Variants in CANT1 observed in about 807,000 individuals in gnomAD.
The protein encoded by CANT1 is calcium activated nucleotidase 1.
In CANT1, 26 loss-of-function variants were observed where a neutral mutation model predicts 30.0. The observed-to-expected ratio is 0.87, with a 90% CI of 0.64 to 1.20. CANT1 has a LOEUF of 1.20. CANT1 is among the 50% of genes most tolerant of loss of function. The probability of loss-of-function intolerance (pLI) is 0.00; values close to 1 mark genes in which losing one functional copy is unlikely to be tolerated. For synonymous variants in CANT1, 246 were observed against 251.8 expected (o/e 0.98, Z 0.22); for missense variants, 518 against 563.0 (o/e 0.92, Z 0.81).
chr17:78,999,514 C>T (rs946531961), intron 1 of CANT1, among the ~76,000 whole-genome samples: 39 of 152,158 alleles, frequency 2.6e-4, no homozygotes, highest in Non-Finnish European at 4.9e-4. Context: ...TGAGATAGGG[C>T]CTCGCTCTGT....
chr17:78,993,801 G>A lies in CANT1; in HGVS notation c.955C>T (p.Leu319=). 1 of 1,610,544 alleles carries A rather than the reference G, an allele frequency of 6.2e-7. No individual in the cohort carries two copies. The highest frequency in any genetic ancestry group is 1.7e-5 in the Admixed American group (1 of 60,000). Reference sequence around the variant, plus strand: ...AAGTCAGGGGAGGCGCTCAGCAGCAGGTTGGCGCCCTTGCGCTCGTCGTCC... The same window carrying A: ...AAGTCAGGGGAGGCGCTCAGCAGCAAGTTGGCGCCCTTGCGCTCGTCGTCC... ...EKDDERKGAN[L]LLSASPDFGD... Residue 319 remains leucine, a synonymous_variant, in exon 5 of 5, where the codon CTG becomes TTG. Transcript: ENST00000392446. The surrounding 1 kb of genome is among the most constrained non-coding windows in gnomAD (Gnocchi z 4.5).
Position 79,002,894 on chromosome 17 carries a change from C to T in CANT1, c.-146-4931G>A, listed in dbSNP as rs1485056618. Among the ~76,000 whole-genome samples, 4 of 152,090 alleles carry T rather than the reference C, an allele frequency of 2.6e-5. No homozygotes were observed. The South Asian group carries it at 6.2e-4, about 24-fold the overall frequency. ...TCCCAGGTCGCTGTGCAACACTGCACGCCTTCCTATTCCAGACTCCTGGCA... is the reference window on the plus strand; with the variant it reads ...TCCCAGGTCGCTGTGCAACACTGCATGCCTTCCTATTCCAGACTCCTGGCA... On this transcript the variant is annotated intron_variant, in intron 1 of 4. Transcript: ENST00000392446. This position sits in a 1 kb window ranked among gnomAD's most constrained non-coding sequence, Gnocchi z 4.0.
Position 78,998,135 on chromosome 17 carries a change from C to T in CANT1, c.-146-172G>A. The T allele has an allele frequency of 5.5e-6, 1 of 183,442 alleles. No homozygotes were observed. The allele number at this position is 183,442 out of a possible 1,614,324, so 11.4% of individuals were successfully genotyped here. A position where few individuals can be genotyped will look rare whatever the true frequency, so the allele number is the denominator to read the frequency against. Reference sequence around the variant, plus strand: ...TCACCCTCCGTCCCTGGGTCCTTGGCCCTTGTCCCCACCTGACGTTAGAGT... The same window carrying T: ...TCACCCTCCGTCCCTGGGTCCTTGGTCCTTGTCCCCACCTGACGTTAGAGT... On this transcript the variant is annotated intron_variant, in intron 1 of 4. Coordinates refer to ENST00000392446, the MANE Select transcript of CANT1 (RefSeq NM_001159773.2). This position sits in a 1 kb window ranked among gnomAD's most constrained non-coding sequence, Gnocchi z 4.5.
In CANT1 at chr17:78,997,348, GGGTA is replaced by G; in HGVS notation, c.271_274del (p.Tyr91ProfsTer38). The G allele has an allele frequency of 6.2e-7, 1 of 1,614,158 alleles. No individual in the cohort carries two copies. The highest frequency in any genetic ancestry group is 1.1e-5 in the South Asian group (1 of 91,088). The stretch of plus-strand genomic sequence containing the variant: ...CGGTGTCCTTTGTGGGGGAGACAGG[GGGTA>G]GGTGTCATTGTACCAGTTGGCGGGC... On this transcript the variant is annotated frameshift_variant, in exon 3 of 5. Coordinates refer to ENST00000392446, the MANE Select transcript of CANT1 (RefSeq NM_001159773.2). LOFTEE classifies it high-confidence loss of function. This position sits in a 1 kb window ranked among gnomAD's most constrained non-coding sequence, Gnocchi z 7.5.
intron 1 of CANT1, among the ~76,000 whole-genome samples, chr17:79,000,947 C>T (rs997358478): frequency 1.2e-4 from 18 of 152,226 alleles, no homozygotes; most frequent in African/African-American, 4.1e-4. Flanking sequence ...AGTCTGCACG[C>T]ATTGGCTGAA....
chr17:78,999,195 C>A (rs993417754), intron 1 of CANT1, among the ~76,000 whole-genome samples: 2 of 152,078 alleles, frequency 1.3e-5, no homozygotes, highest in South Asian at 4.2e-4. Flanking sequence ...TCAGAGTGAT[C>A]CTCCTAACAG....
Position 78,998,076 on chromosome 17 carries a change from C to T in CANT1, c.-146-113G>A, listed in dbSNP as rs1321653219. The T allele has an allele frequency of 1.0e-5, 2 of 196,530 alleles. No individual in the cohort carries two copies. Among genetic ancestry groups the T allele is most frequent in the East Asian group, 1.6e-4 (2 of 12,190 alleles). The allele number at this position is 196,530 out of a possible 1,614,324, so 12.2% of individuals were successfully genotyped here. Reference sequence around the variant, plus strand: ...TATTTTACTCAAATGCCACCTCATCCAGGAAGCCCTCCCTGACTGCCCTGC... The same window carrying T: ...TATTTTACTCAAATGCCACCTCATCTAGGAAGCCCTCCCTGACTGCCCTGC... On this transcript the variant is annotated intron_variant, in intron 1 of 4. Coordinates refer to ENST00000392446, the MANE Select transcript of CANT1 (RefSeq NM_001159773.2). The surrounding 1 kb of genome is among the most constrained non-coding windows in gnomAD (Gnocchi z 4.5).
rs764031833 is a variant in CANT1 at position 78,993,962 on chromosome 17, G to C, written c.836-42C>G. 1.3e-6 allele frequency: 2 copies of C among 1,535,466 alleles called. No individual in the cohort carries two copies. The highest frequency in any genetic ancestry group is 2.4e-5 in the South Asian group (2 of 83,360). On this transcript the variant is annotated intron_variant, in intron 4 of 4. Coordinates refer to ENST00000392446, the MANE Select transcript of CANT1 (RefSeq NM_001159773.2). This position sits in a 1 kb window ranked among gnomAD's most constrained non-coding sequence, Gnocchi z 4.5. ...CGCGGGTCAGACACGCATGCGGCCT[G>C]GTGTGCCCAGCCCCACACCATCAGG...
At chr17:79,005,825 C>T (rs980002182) in intron 1 of CANT1, 5 of 152,232 alleles carry the variant, frequency 3.3e-5, no homozygotes, top group Admixed American at 2.0e-4. Flanking sequence ...TTCACACACT[C>T]ATGCTAACAG....
intron 1 of CANT1, chr17:79,005,439 C>T (rs1282165473): frequency 1.3e-5 from 2 of 152,130 alleles, no homozygotes; most frequent in African/African-American, 4.8e-5. Context: ...AGTGGCGACT[C>T]CCTGGACAGC....
At chr17:79,005,033 T>C (rs866827262) in intron 1 of CANT1, among the ~76,000 whole-genome samples, 7 of 3,700 alleles carry the variant, frequency 1.9e-3, no homozygotes, top group Non-Finnish European at 2.5e-3. Flanking sequence ...GAGAAGGGAG[T>C]TAGGGAGAGG....
rs1395035392 is a variant in CANT1, at chr17:78,998,635, C to T, written c.-146-672G>A. Among the ~76,000 whole-genome samples, 2 of 152,260 alleles carry T rather than the reference C, an allele frequency of 1.3e-5. No homozygotes were observed. The highest frequency in any genetic ancestry group is 2.9e-5 in the Non-Finnish European group (2 of 68,044). On this transcript the variant is annotated intron_variant, in intron 1 of 4. Coordinates refer to ENST00000392446, the MANE Select transcript of CANT1 (RefSeq NM_001159773.2). The surrounding 1 kb of genome is among the most constrained non-coding windows in gnomAD (Gnocchi z 4.5). Reference sequence around the variant, plus strand: ...TCGCCAAGCCCACTTCCCGGGCATACAGCATGATGGCTCAGTGCAGCCATG... The same window carrying T: ...TCGCCAAGCCCACTTCCCGGGCATATAGCATGATGGCTCAGTGCAGCCATG...
In CANT1 at chr17:78,993,730, G is replaced by T. The variant is rs755288092; in HGVS notation, c.1026C>A (p.His342Gln). ...GGATGAACTTGAAGGACGAGAAGCC[G>T]TGAGTGGGGACCACCGCCCCGACGT... is the stretch of plus-strand genomic sequence containing the variant. ...VSHVGAVVPT[H>Q]GFSSFKFIPN... is the part of the protein sequence containing the mutation. Residue 342 changes from histidine to glutamine, a missense_variant, in exon 5 of 5, where the codon CAC (histidine) becomes CAA (glutamine). This residue lies in a region of CANT1 where 221 missense variants were observed against 211.8 expected (regional missense o/e 1.04). Coordinates refer to ENST00000392446, the MANE Select transcript of CANT1 (RefSeq NM_001159773.2). This position sits in a 1 kb window ranked among gnomAD's most constrained non-coding sequence, Gnocchi z 4.5. 2.5e-6 allele frequency: 4 copies of T among 1,614,010 alleles called. No individual in the cohort carries two copies. In the Admixed American group the frequency reaches 6.7e-5, roughly 27 times the overall value.
At chr17:78,994,022 C>G in intron 4 of CANT1, 102 bp from the exon 5 acceptor site, 1 of 1,430,796 alleles carries the variant, frequency 7.0e-7, no homozygotes, top group Non-Finnish European at 9.3e-7. Flanking sequence ...CTGCGACCAC[C>G]AGGGCCCACC....
chr17:78,992,308 G>A lies in CANT1; in HGVS notation c.*1242C>T, dbSNP rs927463057. ...CACCGTGGCACCCCTGACGATCGCG[G>A]GGTGGGGTAGGAGTGAGGGTGGGGG... On this transcript the variant is annotated 3_prime_UTR_variant, in exon 5 of 5. Coordinates refer to ENST00000392446, the MANE Select transcript of CANT1 (RefSeq NM_001159773.2). 4.3e-6 allele frequency: 1 copy of A among 235,230 alleles called. No individual in the cohort carries two copies. The highest frequency in any genetic ancestry group is 2.2e-5 in the African/African-American group (1 of 45,304). 14.6% of individuals were successfully genotyped at this position (235,230 alleles called of 1,614,324 possible). A position where few individuals can be genotyped will look rare whatever the true frequency, so the allele number is the denominator to read the frequency against.
At chr17:78,994,090 C>T (rs1015984517) in intron 4 of CANT1, among the ~76,000 whole-genome samples, 170 bp from the exon 5 acceptor site, 2 of 152,168 alleles carry the variant, frequency 1.3e-5, no homozygotes, top group Admixed American at 6.5e-5. Flanking sequence ...TCTGTGTTCT[C>T]GGTTATCCCA....
intron 1 of CANT1, among the ~76,000 whole-genome samples, chr17:79,003,533 C>T (rs1204156276): frequency 6.6e-6 from 1 of 152,116 alleles, no homozygotes; most frequent in Non-Finnish European, 1.5e-5. Context: ...ACAAGATGGA[C>T]AAAGTCCTTT....
In CANT1 at chr17:79,008,816, G is replaced by C. The variant is rs2071639656; in HGVS notation, c.-147+848C>G. ...CGGATGGCAGTAGGGGTGTGAGACAGGTATGGTGGGGAGGGCGAATCATTT... is the reference window on the plus strand; with the variant it reads ...CGGATGGCAGTAGGGGTGTGAGACACGTATGGTGGGGAGGGCGAATCATTT... On this transcript the variant is annotated intron_variant, in intron 1 of 4. Coordinates refer to ENST00000392446, the MANE Select transcript of CANT1 (RefSeq NM_001159773.2). This position sits in a 1 kb window ranked among gnomAD's most constrained non-coding sequence, Gnocchi z 4.4. Among the ~76,000 whole-genome samples the C allele has an allele frequency of 6.6e-6, 1 of 152,184 alleles. No individual in the cohort carries two copies. Among genetic ancestry groups the C allele is most frequent in the African/African-American group, 2.4e-5 (1 of 41,434 alleles).
Position 78,995,371 on chromosome 17 carries a change from C to T in CANT1, c.632-150G>A. The T allele has an allele frequency of 1.2e-6, 1 of 832,840 alleles. No homozygotes were observed. The highest frequency in any genetic ancestry group is 1.7e-5 in the African/African-American group (1 of 59,958). 51.6% of individuals were successfully genotyped at this position (832,840 alleles called of 1,614,324 possible). ...CCTCCCCTCCGGCCCGCACCTGGCT[C>T]CCGCCCAGGGCCGGCCGGCTGCCCT... is the stretch of plus-strand genomic sequence containing the variant. On this transcript the variant is annotated intron_variant, in intron 3 of 4. Coordinates refer to ENST00000392446, the MANE Select transcript of CANT1 (RefSeq NM_001159773.2). The surrounding 1 kb of genome is among the most constrained non-coding windows in gnomAD (Gnocchi z 5.7).
Sources: gnomAD v4.1 joint callset for allele counts (sites outside exome capture counted in the v4.1 genomes callset) on GRCh38, gnomAD v4.1.1 for gene constraint, gnomAD v4.1.1 regional missense constraint, Gnocchi (gnomAD v3.1) non-coding constraint, MANE v1.5 for transcripts, NCBI Gene and HGNC (gene_info 2026-07-23, HGNC 2026-07-21) for gene names.